The following TNNI1 variants were observed in gnomAD, a reference collection of about 807,000 sequenced individuals.
TNNI1 encodes troponin I1, slow skeletal type.
In TNNI1, 14 loss-of-function variants were observed where a neutral mutation model predicts 26.7. The observed-to-expected ratio is 0.52, with a 90% confidence interval of 0.35 to 0.82. The LOEUF (loss-of-function observed/expected upper bound fraction) is 0.82, where lower values mean the gene tolerates loss of function less well. TNNI1 is among the 40% of genes least tolerant of loss of function. The pLI is 0.01. For missense variants in TNNI1, 164 were observed against 257.0 expected (o/e 0.64, Z 2.47); for synonymous variants, 79 against 98.2 (o/e 0.80, Z 1.16).
At position 201,404,745 on chromosome 1, in the gene TNNI1, G is replaced by C. The variant is rs920646381; in HGVS notation, c.*4508C>G. On this transcript the variant is annotated 3_prime_UTR_variant, in exon 9 of 9. Transcript: ENST00000361379. The stretch of plus-strand genomic sequence containing the variant: ...TTGAAATTTAGGTCACAAAGAGCCA[G>C]TCAGGAGAAGAGCATCTGGGAGGCA... The C allele has an allele frequency of 1.3e-5, 2 of 152,294 alleles. No homozygotes were observed. Among genetic ancestry groups the C allele is most frequent in the South Asian group, 4.1e-4 (2 of 4,834 alleles). The allele number at this position is 152,294 out of a possible 1,614,324, so 9.4% of individuals were successfully genotyped here.
At chr1:201,420,985 C>T (rs1000867065) in intron 1 of TNNI1, among the ~76,000 whole-genome samples, 3 of 152,154 alleles carry the variant, frequency 2.0e-5, no homozygotes, top group Admixed American at 6.5e-5. Context: ...CCCAAAATGC[C>T]GCCACCATTG....
At position 201,411,542 on chromosome 1, in the gene TNNI1, G is replaced by A; in HGVS notation, c.280-9C>T. 1 of 1,572,408 alleles carries A rather than the reference G, an allele frequency of 6.4e-7. No homozygotes were observed. Among genetic ancestry groups the A allele is most frequent in the Non-Finnish European group, 8.6e-7 (1 of 1,161,750 alleles). On this transcript the variant is annotated splice_polypyrimidine_tract_variant and intron_variant, in intron 6 of 8. Transcript: ENST00000361379. This position sits in a 1 kb window ranked among gnomAD's most constrained non-coding sequence, Gnocchi z 4.6. The stretch of plus-strand genomic sequence containing the variant: ...AGCTTCAGGTCCTTAATCTGTAGGT[G>A]AGAAGCGCCCGGGGCTCACTGGAGA...
intron 4 of TNNI1, 30 bp from the exon 5 acceptor site, chr1:201,414,679 G>A (rs1205017366): frequency 1.2e-6 from 2 of 1,603,782 alleles, no homozygotes; most frequent in Non-Finnish European, 1.7e-6. Flanking sequence ...TGAGCTGGGG[G>A]CCTCACATCT....
intron 3 of TNNI1, among the ~76,000 whole-genome samples, chr1:201,415,501 T>C (rs1322126808): frequency 6.6e-6 from 1 of 152,182 alleles, no homozygotes; most frequent in Non-Finnish European, 1.5e-5. Flanking sequence ...GCTGCTGAAA[T>C]CTTGTAAGAT....
At chr1:201,417,715 G>T in intron 2 of TNNI1, 68 bp downstream of exon 2, 1 of 1,284,298 alleles carries the variant, frequency 7.8e-7, no homozygotes, top group Non-Finnish European at 1.0e-6. Flanking sequence ...TGCCTCCACT[G>T]CGGGGCTGAA....
intron 7 of TNNI1, 96 bp from the exon 8 acceptor site, chr1:201,410,531 G>T: frequency 2.8e-6 from 3 of 1,081,294 alleles, no homozygotes; most frequent in Non-Finnish European, 4.2e-6. Flanking sequence ...CTCCTCGGAT[G>T]ATAAGAAATC....
At chr1:201,412,960 T>C in intron 6 of TNNI1, 72 bp downstream of exon 6, 9 of 1,485,326 alleles carry the variant, frequency 6.1e-6, no homozygotes, top group Non-Finnish European at 8.4e-6. Context: ...GGACCTCCCA[T>C]GGCTGCTGCA....
At chr1:201,413,262 C>T in intron 5 of TNNI1, 141 bp from the exon 6 acceptor site, 3 of 818,236 alleles carry the variant, frequency 3.7e-6, no homozygotes, top group East Asian at 2.5e-5. Context: ...CTCTGAGGCT[C>T]ATGACGGGCA....
rs201627016 is a variant in TNNI1 at position 201,411,450 on chromosome 1, G to A, written c.363C>T (p.Asp121=). 2.6e-5 allele frequency: 42 copies of A among 1,613,668 alleles called. No individual in the cohort carries two copies. The highest frequency in any genetic ancestry group is 1.6e-4 in the South Asian group (15 of 90,940). Reference sequence around the variant, plus strand: ...AGCCCAGCAGGGCCCGGAGCATGGCGTCAGCCGAGACACGGACTCGACGCA... The same window carrying A: ...AGCCCAGCAGGGCCCGGAGCATGGCATCAGCCGAGACACGGACTCGACGCA... ...PPLRRVRVSA[D]AMLRALLGSK... Residue 121 remains aspartate (D), a synonymous_variant, in exon 7 of 9, where the codon GAC becomes GAT. Transcript: ENST00000361379. The surrounding 1 kb of genome is among the most constrained non-coding windows in gnomAD (Gnocchi z 4.6).
At chr1:201,420,948 A>C (rs367668496) in intron 1 of TNNI1, among the ~76,000 whole-genome samples, 2 of 152,060 alleles carry the variant, frequency 1.3e-5, no homozygotes, top group African/African-American at 2.4e-5. Context: ...GCCCTGGCTT[A>C]TGTGTTCACT....
rs12354200 is a variant in TNNI1 at position 201,413,100 on chromosome 1, C to T, written c.211G>A (p.Ala71Thr). The change falls in exon 6 of 9, where the codon GCC (alanine) becomes ACC (threonine). Residue 71 changes from alanine to threonine, a missense_variant. Coordinates refer to ENST00000361379, the MANE Select transcript of TNNI1 (RefSeq NM_003281.4). ...TCCTCATCCACCACCTCCACCTTGG[C>T]GTGCAGCTCCCGGCACAGGTCCTGG... ...ALQDLCRELH[A>T]KVEVVDEERY... The T allele has an allele frequency of 2.6e-4, 423 of 1,614,058 alleles. 1 individual carries two copies. In the African/African-American group the frequency reaches 4.7e-3, roughly 18 times the overall value.
intron 4 of TNNI1, 138 bp downstream of exon 4, chr1:201,415,074 TG>T: frequency 1.3e-6 from 1 of 787,714 alleles, no homozygotes; most frequent in Non-Finnish European, 2.1e-6. Context: ...CCAGCAATGC[TG>T]GACTCCTGCC....
intron 6 of TNNI1, among the ~76,000 whole-genome samples, 200 bp downstream of exon 6, chr1:201,412,832 A>T (rs2102370652): frequency 6.6e-6 from 1 of 152,322 alleles, no homozygotes; most frequent in South Asian, 2.1e-4. Context: ...GTAGGGAGGA[A>T]GTTTGTACTT....
At chr1:201,413,463 T>C (rs1571736155) in intron 5 of TNNI1, among the ~76,000 whole-genome samples, 1 of 129,566 alleles carries the variant, frequency 7.7e-6, no homozygotes, top group Admixed American at 8.1e-5. Context: ...CTAGTATCCT[T>C]GGCTGGGCAC....
intron 6 of TNNI1, 76 bp downstream of exon 6, chr1:201,412,956 C>A: frequency 6.8e-7 from 1 of 1,467,740 alleles, no homozygotes; most frequent in Non-Finnish European, 9.5e-7. Context: ...GAGGGGACCT[C>A]CCATGGCTGC....
At chr1:201,415,337 G>T in intron 3 of TNNI1, 83 bp from the exon 4 acceptor site, 1 of 1,416,934 alleles carries the variant, frequency 7.1e-7, no homozygotes, top group Non-Finnish European at 9.9e-7. Flanking sequence ...ACAAGTGCCA[G>T]CCAGCGTTCT....
At position 201,410,473 on chromosome 1, in the gene TNNI1, G is replaced by A. The variant is rs773244040; in HGVS notation, c.457-38C>T. On this transcript the variant is annotated intron_variant, in intron 7 of 8. Coordinates refer to ENST00000361379, the MANE Select transcript of TNNI1 (RefSeq NM_003281.4). Reference sequence around the variant, plus strand: ...GGCACACACATCAGGGACTTACCAGGCTGGACGGCCCCCCAGCTCAAGAGA... The same window carrying A: ...GGCACACACATCAGGGACTTACCAGACTGGACGGCCCCCCAGCTCAAGAGA... 38 of 1,577,346 alleles carry A rather than the reference G, an allele frequency of 2.4e-5. No individual in the cohort carries two copies. In the East Asian group the frequency reaches 7.2e-4, roughly 30 times the overall value.
At position 201,406,050 on chromosome 1, in the gene TNNI1, A is replaced by G; in HGVS notation, c.*3203T>C. 1 of 151,844 alleles carries G rather than the reference A, an allele frequency of 6.6e-6. No individual in the cohort carries two copies. The highest frequency in any genetic ancestry group is 1.5e-5 in the Non-Finnish European group (1 of 68,022). 9.4% of individuals were successfully genotyped at this position (151,844 alleles called of 1,614,324 possible). ...TCCCCTTTGGTGCGGGTGTGTGGGG[A>G]CTCCCCAGGTGCATATGCAGGACCC... On this transcript the variant is annotated 3_prime_UTR_variant, in exon 9 of 9. Transcript: ENST00000361379.
intron 1 of TNNI1, among the ~76,000 whole-genome samples, chr1:201,419,629 C>G (rs942307081): frequency 2.0e-5 from 3 of 152,228 alleles, no homozygotes; most frequent in African/African-American, 7.2e-5. Context: ...CCACCCCTTC[C>G]TCTGCCCTAA....
Sources: allele counts gnomAD v4.1 joint callset (sites outside exome capture counted in the v4.1 genomes callset), GRCh38; gene constraint gnomAD v4.1.1; non-coding constraint Gnocchi (gnomAD v3.1); transcripts MANE v1.5; gene names NCBI Gene and HGNC (gene_info 2026-07-23, HGNC 2026-07-21).